The following TCF7L1 variants were observed in gnomAD, a reference collection of about 807,000 sequenced individuals.
TCF7L1 encodes transcription factor 7-like 1.
Under a neutral mutation model 63.7 loss-of-function variants are expected in TCF7L1, and 18 were observed. That is an observed-to-expected ratio of 0.28 (90% CI 0.20 to 0.42). TCF7L1 has a LOEUF of 0.42. Among genes scored for constraint, TCF7L1 ranks in the 10% least tolerant of loss-of-function variants. The pLI, the probability that TCF7L1 is intolerant of heterozygous loss-of-function variation, is 1.00. For synonymous variants in TCF7L1, 355 were observed against 340.9 expected (o/e 1.04, Z -0.46); for missense variants, 654 against 779.3 (o/e 0.84, Z 1.91).
At chr2:85,158,451 A>G (rs1020218414) in intron 3 of TCF7L1, among the ~76,000 whole-genome samples, 19 of 152,102 alleles carry the variant, frequency 1.2e-4, no homozygotes, top group African/African-American at 3.9e-4. Context: ...GTGCTTATTC[A>G]ATGTATTTTG....
intron 3 of TCF7L1, among the ~76,000 whole-genome samples, chr2:85,266,719 C>G (rs561675645): frequency 9.2e-5 from 14 of 152,360 alleles, no homozygotes; most frequent in Non-Finnish European, 1.6e-4. Flanking sequence ...TTGAAACTTT[C>G]AATAATACAA....
chr2:85,309,663 A>C lies in TCF7L1; in HGVS notation c.*201A>C. ...CTTTTTTAAAAAACAAAACAAAACA[A>C]CAAAAAAAAATCTTTATAAGAAAGA... On this transcript the variant is annotated 3_prime_UTR_variant, in exon 12 of 12. Transcript: ENST00000282111. 4 of 479,804 alleles carry C rather than the reference A, an allele frequency of 8.3e-6. No individual in the cohort carries two copies. The highest frequency in any genetic ancestry group is 2.0e-5 in the African/African-American group (1 of 50,176). The allele number at this position is 479,804 out of a possible 1,614,324, so 29.7% of individuals were successfully genotyped here.
intron 3 of TCF7L1, among the ~76,000 whole-genome samples, chr2:85,269,666 A>C (rs903434332): frequency 6.6e-6 from 1 of 152,232 alleles, no homozygotes; most frequent in African/African-American, 2.4e-5. Context: ...AAGGCCGATT[A>C]ATGTAAATAT....
intron 3 of TCF7L1, among the ~76,000 whole-genome samples, chr2:85,228,439 G>A (rs1680003860): frequency 6.6e-6 from 1 of 152,046 alleles, no homozygotes; most frequent in Non-Finnish European, 1.5e-5. Flanking sequence ...AAAATTAAAT[G>A]ATAGGGTTCC....
intron 4 of TCF7L1, among the ~76,000 whole-genome samples, chr2:85,284,160 G>GC (rs1219809172): frequency 6.6e-6 from 1 of 152,158 alleles, no homozygotes; most frequent in Non-Finnish European, 1.5e-5. Context: ...ACAGGCATGT[G>GC]CCACCACGCC....
chr2:85,177,600 G>C (rs2104245229), intron 3 of TCF7L1, among the ~76,000 whole-genome samples: 1 of 152,304 alleles, frequency 6.6e-6, no homozygotes, highest in Middle Eastern at 3.4e-3. Flanking sequence ...AGCTACTCGG[G>C]AGTCCGAGGC....
intron 3 of TCF7L1, among the ~76,000 whole-genome samples, chr2:85,146,502 T>C (rs1160492793): frequency 3.0e-4 from 43 of 142,716 alleles, no homozygotes; most frequent in African/African-American, 1.1e-3. Flanking sequence ...TCTTTCTTTT[T>C]TTTTTTTTTT....
At chr2:85,159,572 C>T (rs1042924788) in intron 3 of TCF7L1, among the ~76,000 whole-genome samples, 1 of 152,236 alleles carries the variant, frequency 6.6e-6, no homozygotes, top group Non-Finnish European at 1.5e-5. Flanking sequence ...TTGGCAGTTC[C>T]TGGTGCCTTC....
chr2:85,180,792 C>T lies in TCF7L1; in HGVS notation c.441+46342C>T, dbSNP rs566783199. Among the ~76,000 whole-genome samples the T allele has an allele frequency of 1.5e-4, 23 of 152,284 alleles. No homozygotes were observed. In the South Asian group the frequency reaches 4.6e-3, roughly 30 times the overall value. On this transcript the variant is annotated intron_variant, in intron 3 of 11. Transcript: ENST00000282111. ...AGCAGCCCCAACACATAGGTTAGGA[C>T]CTGTCACTAGTCCCATTTATAGGTA...
At chr2:85,153,616 C>T (rs1055355138) in intron 3 of TCF7L1, among the ~76,000 whole-genome samples, 4 of 152,164 alleles carry the variant, frequency 2.6e-5, no homozygotes, top group African/African-American at 9.7e-5. Flanking sequence ...CCTGGGATTA[C>T]AGGCGTGAGC....
intron 3 of TCF7L1, among the ~76,000 whole-genome samples, chr2:85,207,750 A>T (rs1275901742): frequency 6.6e-6 from 1 of 152,080 alleles, no homozygotes; most frequent in East Asian, 1.9e-4. Flanking sequence ...ACCGTACTTC[A>T]GTGCTGTATT....
intron 3 of TCF7L1, among the ~76,000 whole-genome samples, chr2:85,282,628 AT>A (rs1377030177): frequency 6.6e-6 from 1 of 152,160 alleles, no homozygotes; most frequent in Non-Finnish European, 1.5e-5. Flanking sequence ...TTAATCACTC[AT>A]TCAGGGTCAC....
intron 3 of TCF7L1, among the ~76,000 whole-genome samples, chr2:85,282,654 C>G (rs1177971708): frequency 6.6e-6 from 1 of 152,130 alleles, no homozygotes; most frequent in Non-Finnish European, 1.5e-5. Flanking sequence ...CCTATGTTGG[C>G]AGAGTAAGAG....
At position 85,159,678 on chromosome 2, in the gene TCF7L1, G is replaced by A. The variant is rs1013136643; in HGVS notation, c.441+25228G>A. Among the ~76,000 whole-genome samples the A allele has an allele frequency of 1.8e-4, 27 of 152,236 alleles. 1 individual carries two copies. The highest frequency in any genetic ancestry group is 6.3e-4 in the African/African-American group (26 of 41,458). On this transcript the variant is annotated intron_variant, in intron 3 of 11. Transcript: ENST00000282111. ...CAGAGAAATTCAAGATCGCCTTCAG[G>A]CTTCCTTGACCCAAGGCCTGTGGGA... is the stretch of plus-strand genomic sequence containing the variant.
intron 3 of TCF7L1, among the ~76,000 whole-genome samples, chr2:85,237,922 G>GT (rs1482002752): frequency 1.3e-5 from 2 of 152,056 alleles, no homozygotes; most frequent in Non-Finnish European, 2.9e-5. Context: ...TGCAAGCAAA[G>GT]TGTGAGCGGA....
At chr2:85,236,624 A>G (rs1387563610) in intron 3 of TCF7L1, among the ~76,000 whole-genome samples, 1 of 152,094 alleles carries the variant, frequency 6.6e-6, no homozygotes. Flanking sequence ...AATTTCTTGG[A>G]AAGAGAGCCT....
Position 85,304,447 on chromosome 2 carries a change from C to T in TCF7L1, c.845+109C>T, listed in dbSNP as rs1054990206. The T allele has an allele frequency of 8.3e-6, 9 of 1,081,360 alleles. No individual in the cohort carries two copies. In the Admixed American group the frequency reaches 2.1e-4, roughly 26 times the overall value. The allele number at this position is 1,081,360 out of a possible 1,614,324, so 67.0% of individuals were successfully genotyped here. A position where few individuals can be genotyped will look rare whatever the true frequency, so the allele number is the denominator to read the frequency against. ...TTAATGAGCAGGCACAGGGCTCACC[C>T]TCCCCCCACCTCTCTTTGATCAAGC... is the stretch of plus-strand genomic sequence containing the variant. On this transcript the variant is annotated intron_variant, in intron 7 of 11. Transcript: ENST00000282111.
chr2:85,165,928 T>C (rs952173202), intron 3 of TCF7L1, among the ~76,000 whole-genome samples: 2 of 152,192 alleles, frequency 1.3e-5, no homozygotes, highest in Non-Finnish European at 2.9e-5. Flanking sequence ...CCATTCTTCA[T>C]GTTTTGTGTG....
intron 3 of TCF7L1, among the ~76,000 whole-genome samples, chr2:85,219,165 T>C (rs1679784903): frequency 6.6e-6 from 1 of 152,024 alleles, no homozygotes; most frequent in Non-Finnish European, 1.5e-5. Flanking sequence ...AAAACAATTT[T>C]TTTTCCCCAG....
Sources: allele counts gnomAD v4.1 joint callset (sites outside exome capture counted in the v4.1 genomes callset), GRCh38; gene constraint gnomAD v4.1.1; transcripts MANE v1.5; gene names NCBI Gene and HGNC (gene_info 2026-07-23, HGNC 2026-07-21).